Variants in TPRG1 observed in about 807,000 individuals in gnomAD.
TPRG1 encodes the protein tumor protein p63-regulated gene 1 protein.
A neutral mutation model predicts 29.3 loss-of-function variants in TPRG1; 29 were observed. That is an observed-to-expected ratio of 0.99 (90% CI 0.74 to 1.35). The LOEUF (loss-of-function observed/expected upper bound fraction) is 1.35. TPRG1 is among the 40% of genes most tolerant of loss of function. The pLI, the probability that TPRG1 is intolerant of heterozygous loss-of-function variation, is 0.00. For synonymous variants in TPRG1, 130 were observed against 116.8 expected (o/e 1.11, Z -0.73); for missense variants, 327 against 335.0 (o/e 0.98, Z 0.19).
intron 4 of TPRG1, among the ~76,000 whole-genome samples, chr3:189,062,042 C>A (rs951705197): frequency 1.3e-5 from 2 of 152,128 alleles, no homozygotes; most frequent in African/African-American, 4.8e-5. Flanking sequence ...AACTTAAATG[C>A]CCACCAATGA....
At chr3:189,053,385 T>C (rs1431265194) in intron 4 of TPRG1, among the ~76,000 whole-genome samples, 1 of 152,162 alleles carries the variant, frequency 6.6e-6, no homozygotes, top group Non-Finnish European at 1.5e-5. Context: ...GTCTTGAAAC[T>C]TGAGGAAATT....
intron 1 of TPRG1, among the ~76,000 whole-genome samples, chr3:189,206,089 TTTC>T (rs928132680): frequency 1.3e-5 from 2 of 149,968 alleles, no homozygotes; most frequent in African/African-American, 4.9e-5. Flanking sequence ...TTTTTCTTTC[TTTC>T]TTTCTTTCCT....
chr3:189,011,229 T>C lies in TPRG1; in HGVS notation c.-660+6469T>C, dbSNP rs372948659. ...CCAGCTTTGTTCTTTTTGCTTATGA[T>C]TGCCTTGTCTAATCGGCTCTTTTTT... On this transcript the variant is annotated intron_variant, in intron 3 of 10. Transcript: ENST00000433971. 9.2e-5 allele frequency among the ~76,000 whole-genome samples: 14 copies of C among 152,332 alleles called. No individual in the cohort carries two copies. The East Asian group carries it at 1.4e-3, about 15-fold the overall frequency.
intron 4 of TPRG1, among the ~76,000 whole-genome samples, chr3:189,030,363 G>T (rs1423354482): frequency 6.6e-6 from 1 of 152,122 alleles, no homozygotes; most frequent in Non-Finnish European, 1.5e-5. Flanking sequence ...GGATGTCTTG[G>T]ATTTTTTTCT....
At chr3:189,319,640 C>T (rs1189085183) in intron 5 of TPRG1, among the ~76,000 whole-genome samples, 2 of 152,096 alleles carry the variant, frequency 1.3e-5, no homozygotes, top group African/African-American at 4.8e-5. Flanking sequence ...CTCATCTTGT[C>T]TTCCTGCTTC....
intron 4 of TPRG1, among the ~76,000 whole-genome samples, chr3:189,297,270 C>A (rs1158335617): frequency 6.6e-6 from 1 of 152,172 alleles, no homozygotes; most frequent in Admixed American, 6.5e-5. Flanking sequence ...CATGAGCCAC[C>A]ATGCCCGGCC....
intron 4 of TPRG1, among the ~76,000 whole-genome samples, chr3:189,091,109 A>G (rs1718309534): frequency 1.3e-5 from 2 of 152,150 alleles, no homozygotes; most frequent in Non-Finnish European, 2.9e-5. Context: ...AAATGATTAC[A>G]TGTAAAATAT....
chr3:189,088,916 A>G (rs1718145203), intron 4 of TPRG1, among the ~76,000 whole-genome samples: 2 of 152,174 alleles, frequency 1.3e-5, no homozygotes, highest in African/African-American at 4.8e-5. Flanking sequence ...CCAAGCCCTA[A>G]TGCTCTTCCT....
At chr3:189,298,630 G>A (rs1043639466) in intron 4 of TPRG1, among the ~76,000 whole-genome samples, 9 of 152,142 alleles carry the variant, frequency 5.9e-5, no homozygotes, top group Non-Finnish European at 1.2e-4. Flanking sequence ...ACTTTGGCAG[G>A]GAAGGGGCCA....
Position 189,221,208 on chromosome 3 carries a change from A to G in TPRG1, c.302+5825A>G, listed in dbSNP as rs529992025. Among the ~76,000 whole-genome samples, 6 of 152,328 alleles carry G rather than the reference A, an allele frequency of 3.9e-5. No individual in the cohort carries two copies. The South Asian group carries it at 1.2e-3, about 32-fold the overall frequency. On this transcript the variant is annotated intron_variant, in intron 3 of 5. Transcript: ENST00000345063. The stretch of plus-strand genomic sequence containing the variant: ...AATAATAATATTTCTATAGCACTTT[A>G]TAGTTTAAAAAGTCTCTTCTTCATT...
intron 4 of TPRG1, among the ~76,000 whole-genome samples, chr3:189,057,859 C>T (rs1479164386): frequency 9.2e-6 from 1 of 108,498 alleles, no homozygotes; most frequent in South Asian, 2.6e-4. Context: ...TATATATACA[C>T]ACATACGTAT....
At chr3:189,170,067 A>G (rs1417555171), upstream of TPRG1, among the ~76,000 whole-genome samples, 2 of 152,228 alleles carry the variant, frequency 1.3e-5, no homozygotes, top group South Asian at 2.1e-4. Context: ...GCCCTTTAAA[A>G]TAGCATACTT....
At chr3:189,167,330 G>T (rs113667029), upstream of TPRG1, among the ~76,000 whole-genome samples, 9 of 152,224 alleles carry the variant, frequency 5.9e-5, no homozygotes, top group South Asian at 1.2e-3. Context: ...ACATTCTCCC[G>T]CCTTGTCTTT....
intron 1 of TPRG1, among the ~76,000 whole-genome samples, chr3:189,176,222 A>G (rs928370368): frequency 6.6e-6 from 1 of 152,216 alleles, no homozygotes; most frequent in Non-Finnish European, 1.5e-5. Flanking sequence ...AGTTGTACTT[A>G]TATCTCAGAG....
chr3:189,049,685 CT>C (rs752931547), intron 4 of TPRG1, among the ~76,000 whole-genome samples: 33 of 152,318 alleles, frequency 2.2e-4, no homozygotes, highest in Non-Finnish European at 3.1e-4. Context: ...TGGCCCAAGG[CT>C]AACCAGCACA....
intron 1 of TPRG1, among the ~76,000 whole-genome samples, chr3:189,180,701 G>A (rs1204334086): frequency 6.6e-6 from 1 of 152,202 alleles, no homozygotes; most frequent in Admixed American, 6.5e-5. Flanking sequence ...CTGACATTGA[G>A]TATCTATGGC....
chr3:189,236,827 G>A (rs570873119), intron 3 of TPRG1, among the ~76,000 whole-genome samples: 119 of 151,426 alleles, frequency 7.9e-4, no homozygotes, highest in African/African-American at 2.7e-3. Context: ...CTTCTTCTCT[G>A]TGTCCTCCTA....
intron 1 of TPRG1, among the ~76,000 whole-genome samples, chr3:189,175,162 CA>C (rs1325789036): frequency 2.0e-5 from 3 of 151,986 alleles, no homozygotes; most frequent in Non-Finnish European, 1.5e-5. Context: ...ATAAATATTT[CA>C]AGACGAAGAA....
At chr3:189,132,962 G>A (rs940308223) in intron 3 of TPRG1, among the ~76,000 whole-genome samples, 4 of 152,206 alleles carry the variant, frequency 2.6e-5, no homozygotes, top group South Asian at 4.1e-4. Flanking sequence ...ATGAGGAAGC[G>A]GGGCCAGTAC....
Sources: allele counts gnomAD v4.1 joint callset (sites outside exome capture counted in the v4.1 genomes callset), GRCh38; gene constraint gnomAD v4.1.1; transcripts MANE v1.5; gene names NCBI Gene and HGNC (gene_info 2026-07-23, HGNC 2026-07-21).